The following DNAH6 variants were observed in gnomAD, a reference collection of about 807,000 sequenced individuals.
DNAH6 encodes axonemal beta dynein heavy chain 6.
DNAH6 carries 340 observed loss-of-function variants against 491.4 expected under a neutral mutation model. The observed-to-expected ratio is 0.69, with a 90% CI of 0.63 to 0.76. The LOEUF (loss-of-function observed/expected upper bound fraction) is 0.76, where lower values mean the gene tolerates loss of function less well. DNAH6 is among the 30% of genes least tolerant of loss of function. The pLI is 0.00. For synonymous variants in DNAH6, 1,603 were observed against 1,686.1 expected (o/e 0.95, Z 1.21); for missense variants, 4,443 against 4,972.2 (o/e 0.89, Z 3.20).
At chr2:84,611,106 A>G (rs1278473161) in intron 21 of DNAH6, among the ~76,000 whole-genome samples, 2 of 149,204 alleles carry the variant, frequency 1.3e-5, no homozygotes, top group Admixed American at 6.7e-5. Flanking sequence ...TAGACATTTA[A>G]TTTCTGACCG....
chr2:84,691,006 T>C (rs1462891246), intron 45 of DNAH6, among the ~76,000 whole-genome samples: 1 of 152,224 alleles, frequency 6.6e-6, no homozygotes, highest in Non-Finnish European at 1.5e-5. Flanking sequence ...TTCTGCCCAT[T>C]GTATGCCCCT....
intron 58 of DNAH6, among the ~76,000 whole-genome samples, chr2:84,717,570 G>T (rs183194055): frequency 2.6e-5 from 4 of 151,412 alleles, no homozygotes; most frequent in African/African-American, 9.8e-5. Context: ...CCACCTTATG[G>T]GGGGGGCATT....
At chr2:84,678,482 A>G (rs1693467914) in intron 41 of DNAH6, among the ~76,000 whole-genome samples, 1 of 152,212 alleles carries the variant, frequency 6.6e-6, no homozygotes, top group South Asian at 2.1e-4. Flanking sequence ...ATGCCTGGTT[A>G]GAAGAGACTG....
At chr2:84,777,832 T>C in intron 64 of DNAH6, 1 of 1,200,226 alleles carries the variant, frequency 8.3e-7, no homozygotes, top group Non-Finnish European at 1.2e-6. Flanking sequence ...AGATATCCAC[T>C]GGATTTGAAA....
chr2:84,786,741 T>C (rs568882884), intron 67 of DNAH6, among the ~76,000 whole-genome samples: 1 of 152,298 alleles, frequency 6.6e-6, no homozygotes, highest in South Asian at 2.1e-4. Context: ...TGATTCTGTG[T>C]GTGGCATAAC....
intron 42 of DNAH6, among the ~76,000 whole-genome samples, chr2:84,684,451 A>C (rs1026269591): frequency 6.6e-6 from 1 of 152,230 alleles, no homozygotes; most frequent in Non-Finnish European, 1.5e-5. Flanking sequence ...CATTTCATCA[A>C]AAGTCCTAGA....
chr2:84,462,379 T>C, the DNAH6 span, among the ~76,000 whole-genome samples: 3 of 152,210 alleles, frequency 2.0e-5, no homozygotes, highest in Non-Finnish European at 2.9e-5. Flanking sequence ...CTTACAAATA[T>C]TGATTGATAT....
At chr2:84,812,988 T>G (rs535581041) in intron 73 of DNAH6, 70 bp from the exon 74 acceptor site, 1 of 1,328,014 alleles carries the variant, frequency 7.5e-7, no homozygotes, top group Admixed American at 2.0e-5. Flanking sequence ...TCTCCCCAAA[T>G]AGGACTTTGC....
chr2:84,725,700 C>T (rs999263121), intron 60 of DNAH6, among the ~76,000 whole-genome samples: 2 of 152,146 alleles, frequency 1.3e-5, no homozygotes, highest in Non-Finnish European at 2.9e-5. Flanking sequence ...TGGAGTTTTA[C>T]AGATTAGAAG....
chr2:84,478,653 G>T, the DNAH6 span, among the ~76,000 whole-genome samples: 3 of 152,126 alleles, frequency 2.0e-5, no homozygotes, highest in Non-Finnish European at 4.4e-5. Context: ...CTGTGTGCAA[G>T]AGTACCCCGG....
chr2:84,589,533 G>A (rs1162693108), intron 16 of DNAH6, among the ~76,000 whole-genome samples: 1 of 151,878 alleles, frequency 6.6e-6, no homozygotes, highest in Non-Finnish European at 1.5e-5. Flanking sequence ...CCAACATAGT[G>A]AAACCACATC....
chr2:84,700,604 A>G (rs978210065), intron 48 of DNAH6, among the ~76,000 whole-genome samples: 1 of 152,252 alleles, frequency 6.6e-6, no homozygotes, highest in African/African-American at 2.4e-5. Flanking sequence ...ACTAATTGGC[A>G]GCCATGCTCA....
intron 63 of DNAH6, among the ~76,000 whole-genome samples, chr2:84,745,693 G>T (rs1279720236): frequency 9.2e-5 from 14 of 151,540 alleles, no homozygotes; most frequent in Admixed American, 9.2e-4. Flanking sequence ...AAGAAACATG[G>T]TTCTGTGTTA....
intron 63 of DNAH6, chr2:84,751,161 T>C (rs886275000): frequency 6.6e-6 from 1 of 152,182 alleles, no homozygotes; most frequent in African/African-American, 2.4e-5. Context: ...GCTGAAGAAA[T>C]TGGGGCTCAA....
intron 28 of DNAH6, 59 bp downstream of exon 28, chr2:84,624,679 T>A (rs1436294545): frequency 1.3e-5 from 19 of 1,502,634 alleles, no homozygotes; most frequent in African/African-American, 4.2e-5. Flanking sequence ...ATCAAAAGTC[T>A]TGAAAAGTTT....
At chr2:84,694,559 T>C in intron 46 of DNAH6, 79 bp downstream of exon 46, 2 of 1,029,456 alleles carry the variant, frequency 1.9e-6, no homozygotes, top group Non-Finnish European at 2.9e-6. Context: ...GAACAGTTTG[T>C]AGGATGAAGT....
intron 40 of DNAH6, among the ~76,000 whole-genome samples, chr2:84,672,995 A>G (rs550010013): frequency 6.6e-6 from 1 of 152,252 alleles, no homozygotes; most frequent in South Asian, 2.1e-4. Context: ...AACAAGTGAA[A>G]CAGTCCCTGC....
At chr2:84,773,428 G>A (rs1368056931) in intron 64 of DNAH6, among the ~76,000 whole-genome samples, 1 of 152,020 alleles carries the variant, frequency 6.6e-6, no homozygotes, top group Non-Finnish European at 1.5e-5. Flanking sequence ...ATATTCCATG[G>A]TTTATAGTGC....
At chr2:84,479,141 G>A in the DNAH6 span, among the ~76,000 whole-genome samples, 1 of 152,204 alleles carries the variant, frequency 6.6e-6, no homozygotes, top group Non-Finnish European at 1.5e-5. Context: ...ACATTCAGCT[G>A]CTTATCCCCT....
Sources: allele counts gnomAD v4.1 joint callset (sites outside exome capture counted in the v4.1 genomes callset), GRCh38; gene constraint gnomAD v4.1.1; transcripts MANE v1.5; gene names NCBI Gene and HGNC (gene_info 2026-07-23, HGNC 2026-07-21).